The following B4GALT1 variants were observed in gnomAD, a reference collection of about 807,000 sequenced individuals.
B4GALT1 encodes the protein N-acetyllactosamine synthase.
In B4GALT1, 16 loss-of-function variants were observed where a neutral mutation model predicts 34.9. The ratio of observed to expected loss-of-function variants is 0.46; its 90% CI spans 0.31 to 0.70. The LOEUF is 0.70. Ranked by LOEUF, B4GALT1 falls within the 30% of genes least tolerant of loss-of-function variation. The probability of loss-of-function intolerance (pLI) is 0.05; values close to 1 mark genes in which losing one functional copy is unlikely to be tolerated. For synonymous variants in B4GALT1, 221 were observed against 218.1 expected (o/e 1.01, Z -0.12); for missense variants, 445 against 530.5 (o/e 0.84, Z 1.58).
At chr9:33,116,140 G>A in intron 3 of B4GALT1, 27 bp from the exon 4 acceptor site, 2 of 1,609,478 alleles carry the variant, frequency 1.2e-6, no homozygotes, top group Non-Finnish European at 1.7e-6. Flanking sequence ...CACACAGAAG[G>A]AGCAGTGGTT....
the B4GALT1 span, among the ~76,000 whole-genome samples, chr9:33,172,943 G>A: frequency 6.6e-6 from 1 of 151,702 alleles, no homozygotes; most frequent in African/African-American, 2.4e-5. Context: ...AAGGGTGGGG[G>A]TGGGGAGGAT....
intron 2 of B4GALT1, among the ~76,000 whole-genome samples, chr9:33,105,104 G>A (rs1028764278): frequency 6.6e-6 from 1 of 152,038 alleles, no homozygotes; most frequent in African/African-American, 2.4e-5. Context: ...ACTGGCGTGA[G>A]CCACTCACTG....
chr9:33,155,992 A>G (rs1840588576), intron 1 of B4GALT1, among the ~76,000 whole-genome samples: 1 of 152,232 alleles, frequency 6.6e-6, no homozygotes, highest in Non-Finnish European at 1.5e-5. Context: ...GTGGGCCCAG[A>G]GTGCCATATT....
At chr9:33,126,621 G>A (rs1385555311) in intron 2 of B4GALT1, among the ~76,000 whole-genome samples, 3 of 152,230 alleles carry the variant, frequency 2.0e-5, no homozygotes, top group Non-Finnish European at 4.4e-5. Flanking sequence ...GTTAACCATA[G>A]TTAACCATTG....
At chr9:33,127,300 CG>C (rs555589978) in intron 2 of B4GALT1, among the ~76,000 whole-genome samples, 28 of 152,300 alleles carry the variant, frequency 1.8e-4, no homozygotes, top group African/African-American at 6.7e-4. Context: ...AAGGAGCCAG[CG>C]CAGGATGCCT....
intron 2 of B4GALT1, among the ~76,000 whole-genome samples, chr9:33,127,108 T>C (rs1381698752): frequency 6.6e-6 from 1 of 152,096 alleles, no homozygotes; most frequent in Non-Finnish European, 1.5e-5. Flanking sequence ...ACTTTTCAAG[T>C]GCCCGCCACC....
chr9:33,130,291 G>C lies in B4GALT1; in HGVS notation c.648+4898C>G, dbSNP rs143450863. 2.2e-3 allele frequency among the ~76,000 whole-genome samples: 338 copies of C among 152,176 alleles called. 8 individuals are homozygous for C. The South Asian group carries it at 0.05, about 22-fold the overall frequency. On this transcript the variant is annotated intron_variant, in intron 2 of 5. Coordinates refer to ENST00000379731, the MANE Select transcript of B4GALT1 (RefSeq NM_001497.4). The stretch of plus-strand genomic sequence containing the variant: ...CTCCCTTCACCTTGAGTGAAGTCTC[G>C]TTTCCGGGTTTGAGTATTAGGAAAT...
chr9:33,104,710 A>G (rs781198800), exon 3 of B4GALT1: 1 of 454,324 alleles, frequency 2.2e-6, no homozygotes, highest in South Asian at 1.6e-5. Flanking sequence ...ACTAACCACC[A>G]TGCGCTGCCA....
chr9:33,123,803 C>G (rs988244323), intron 2 of B4GALT1, among the ~76,000 whole-genome samples: 1 of 152,224 alleles, frequency 6.6e-6, no homozygotes, highest in Non-Finnish European at 1.5e-5. Flanking sequence ...TGAGCAATGG[C>G]ACCCTGGAGG....
At chr9:33,116,236 A>C in intron 3 of B4GALT1, 123 bp from the exon 4 acceptor site, 1 of 1,204,078 alleles carries the variant, frequency 8.3e-7, no homozygotes, top group Non-Finnish European at 1.1e-6. Flanking sequence ...TAGAGTTTTT[A>C]TTTATTTTTT....
Position 33,113,028 on chromosome 9 carries a change from C to T in B4GALT1, c.*426G>A, listed in dbSNP as rs1338091797. ...GTGTTTTTCTGTTAAATTACAACTACCAAAAAGATCACACCAATCCAATTT... is the reference window on the plus strand; with the variant it reads ...GTGTTTTTCTGTTAAATTACAACTATCAAAAAGATCACACCAATCCAATTT... On this transcript the variant is annotated 3_prime_UTR_variant, in exon 6 of 6. Coordinates refer to ENST00000379731, the MANE Select transcript of B4GALT1 (RefSeq NM_001497.4). 1 of 256,902 alleles carries T rather than the reference C, an allele frequency of 3.9e-6. No individual in the cohort carries two copies. Among genetic ancestry groups the T allele is most frequent in the Non-Finnish European group, 7.7e-6 (1 of 129,072 alleles). The allele number at this position is 256,902 out of a possible 1,614,324, so 15.9% of individuals were successfully genotyped here.
In B4GALT1 at chr9:33,166,945, C is replaced by G; in HGVS notation, c.225G>C (p.Gly75=). 6.4e-7 allele frequency: 1 copy of G among 1,574,558 alleles called. No homozygotes were observed. The highest frequency in any genetic ancestry group is 1.7e-4 in the Middle Eastern group (1 of 5,800). ...GCCGGGCCCCTCCGGTCCGGAGCTC[C>G]CCGGAGGACTGCCCGATGGCGGCGG... ...NSAAAIGQSS[G]ELRTGGARPP... The change falls in exon 1 of 6, where the codon GGG becomes GGC. Residue 75 remains glycine (G), a synonymous_variant. Transcript: ENST00000379731.
the B4GALT1 span, among the ~76,000 whole-genome samples, chr9:33,176,869 A>G: frequency 6.6e-6 from 1 of 152,118 alleles, no homozygotes; most frequent in South Asian, 2.1e-4. Context: ...CCCATATATT[A>G]CTATATGCCA....
chr9:33,114,618 G>A (rs1470384766), intron 4 of B4GALT1, among the ~76,000 whole-genome samples: 2 of 152,140 alleles, frequency 1.3e-5, no homozygotes, highest in Non-Finnish European at 2.9e-5. Flanking sequence ...ACAAATGGAG[G>A]GCTGAGAACA....
At chr9:33,159,977 C>A (rs1840651658) in intron 1 of B4GALT1, among the ~76,000 whole-genome samples, 1 of 152,270 alleles carries the variant, frequency 6.6e-6, no homozygotes, top group South Asian at 2.1e-4. Context: ...AAGAGCCTAT[C>A]CTGCAGCCTG....
chr9:33,151,951 ATGG>A (rs1385508817), intron 1 of B4GALT1, among the ~76,000 whole-genome samples: 1 of 152,212 alleles, frequency 6.6e-6, no homozygotes, highest in Non-Finnish European at 1.5e-5. Flanking sequence ...TCATTTTGGG[ATGG>A]TGAAGACCTG....
intron 1 of B4GALT1, among the ~76,000 whole-genome samples, chr9:33,156,282 T>A (rs1399685095): frequency 6.6e-6 from 1 of 152,048 alleles, no homozygotes; most frequent in Non-Finnish European, 1.5e-5. Flanking sequence ...AACAGGTGCA[T>A]GCCACCACAC....
At chr9:33,134,956 G>C (rs1489822623) in intron 2 of B4GALT1, among the ~76,000 whole-genome samples, 1 of 152,190 alleles carries the variant, frequency 6.6e-6, no homozygotes, top group Non-Finnish European at 1.5e-5. Flanking sequence ...AACAAAAACA[G>C]AACAACGAAA....
chr9:33,113,844 T>G lies in B4GALT1; in HGVS notation c.994A>C (p.Asn332His). ...ATGCGACACCTCCCGACCACAGCAT[T>G]TGGGCGAGATATAGACATGCCTCTA... Reference protein sequence around the residue: ...VFRGMSISRPNAVVGRCRMIR... With the variant: ...VFRGMSISRPHAVVGRCRMIR... The change falls in exon 5 of 6, where the codon AAT becomes CAT. Residue 332 changes from asparagine (N) to histidine (H), a missense_variant. Transcript: ENST00000379731. The G allele has an allele frequency of 6.2e-7, 1 of 1,614,152 alleles. No homozygotes were observed. The highest frequency in any genetic ancestry group is 1.1e-5 in the South Asian group (1 of 91,076).
Sources: gnomAD v4.1 joint callset for allele counts (sites outside exome capture counted in the v4.1 genomes callset) on GRCh38, gnomAD v4.1.1 for gene constraint, MANE v1.5 for transcripts, NCBI Gene and HGNC (gene_info 2026-07-23, HGNC 2026-07-21) for gene names.